The following ARMC2 variants were observed in gnomAD, a reference collection of about 807,000 sequenced individuals.
The protein encoded by ARMC2 is armadillo repeat containing 2.
A neutral mutation model predicts 90.3 loss-of-function variants in ARMC2; 67 were observed. That is an observed-to-expected ratio of 0.74 (90% confidence interval 0.61 to 0.91). The LOEUF (loss-of-function observed/expected upper bound fraction) is 0.91, where lower values mean the gene tolerates loss of function less well. ARMC2 is among the 40% of genes least tolerant of loss of function. The pLI is 0.00. For missense variants in ARMC2, 920 were observed against 1,030.9 expected (o/e 0.89, Z 1.47); for synonymous variants, 393 against 393.0 (o/e 1.00, Z 0.00).
chr6:108,886,174 T>A (rs781124046), intron 5 of ARMC2, among the ~76,000 whole-genome samples: 2 of 152,330 alleles, frequency 1.3e-5, no homozygotes, highest in Admixed American at 6.5e-5. Context: ...AAAATGGAAA[T>A]AAATTTATTG....
chr6:108,951,411 A>C (rs1423243427), intron 12 of ARMC2, among the ~76,000 whole-genome samples: 1 of 152,180 alleles, frequency 6.6e-6, no homozygotes, highest in Non-Finnish European at 1.5e-5. Context: ...GACGACCACT[A>C]TGGCTGGTTG....
chr6:108,889,819 C>T (rs1770773699), intron 5 of ARMC2, among the ~76,000 whole-genome samples: 1 of 151,874 alleles, frequency 6.6e-6, no homozygotes, highest in Admixed American at 6.6e-5. Context: ...TCTTAGCACC[C>T]TCTAGTTCTT....
Position 108,930,635 on chromosome 6 carries a change from C to T in ARMC2, c.1496+2402C>T, listed in dbSNP as rs1254040536. 1.1e-4 allele frequency among the ~76,000 whole-genome samples: 13 copies of T among 121,848 alleles called. 1 individual carries two copies. Among genetic ancestry groups the T allele is most frequent in the Non-Finnish European group, 1.6e-4 (10 of 62,672 alleles). 79.9% of individuals were successfully genotyped at this position (121,848 alleles called of 152,430 possible). A position where few individuals can be genotyped will look rare whatever the true frequency, so the allele number is the denominator to read the frequency against. ...TTTTTGAGTTGGAGTCTTACTCTGT[C>T]GCCCAGGCTGGAGTGCAGTGGGGTG... On this transcript the variant is annotated intron_variant, in intron 11 of 17. Transcript: ENST00000392644.
rs1777291833 is a variant in ARMC2 at position 108,952,960 on chromosome 6, A to G, written c.1597-73A>G. The G allele has an allele frequency of 2.2e-6, 3 of 1,346,602 alleles. No individual in the cohort carries two copies. The Admixed American group carries it at 7.0e-5, about 32-fold the overall frequency. The allele number at this position is 1,346,602 out of a possible 1,614,324, so 83.4% of individuals were successfully genotyped here. On this transcript the variant is annotated intron_variant, in intron 12 of 17. Coordinates refer to ENST00000392644, the MANE Select transcript of ARMC2 (RefSeq NM_032131.6). ...CTATTAATGCAATTGTGAATAAATT[A>G]AATACTATCTTCTTCCCCACGATGT...
chr6:109,041,473 G>A, the ARMC2 span, among the ~76,000 whole-genome samples: 4 of 151,934 alleles, frequency 2.6e-5, no homozygotes, highest in Admixed American at 1.3e-4. Context: ...GGGATTTTGA[G>A]GACAATGAAA....
At chr6:108,877,893 T>C (rs1777092589) in intron 5 of ARMC2, among the ~76,000 whole-genome samples, 1 of 152,212 alleles carries the variant, frequency 6.6e-6, no homozygotes, top group Non-Finnish European at 1.5e-5. Flanking sequence ...TGTCCAAAAT[T>C]ATGAGGCATT....
intron 7 of ARMC2, among the ~76,000 whole-genome samples, chr6:108,903,022 G>A (rs1038753577): frequency 2.6e-5 from 4 of 152,070 alleles, no homozygotes; most frequent in Non-Finnish European, 5.9e-5. Flanking sequence ...AAAAAAATTA[G>A]CCAGGTGTGG....
chr6:108,890,601 G>A (rs1169655060), intron 5 of ARMC2, among the ~76,000 whole-genome samples: 4 of 151,918 alleles, frequency 2.6e-5, no homozygotes, highest in African/African-American at 9.7e-5. Context: ...CCAAAGCTAA[G>A]TAGTTCACCC....
chr6:108,892,313 C>G (rs1205766695), intron 5 of ARMC2, among the ~76,000 whole-genome samples: 1 of 152,082 alleles, frequency 6.6e-6, no homozygotes, highest in Non-Finnish European at 1.5e-5. Flanking sequence ...GTCCCCGTAG[C>G]CATTTTCGAT....
the ARMC2 span, among the ~76,000 whole-genome samples, chr6:109,028,918 A>G: frequency 1.3e-5 from 2 of 152,334 alleles, no homozygotes; most frequent in Admixed American, 6.5e-5. Flanking sequence ...ATATGGTGAC[A>G]TGAGAGCGGG....
At position 108,954,578 on chromosome 6, in the gene ARMC2, C is replaced by T. The variant is rs928541875; in HGVS notation, c.1915+1227C>T. ...ACGGAGGGCCGCAGTGGGCCGAGAT[C>T]GTGCCACTGCATTCCAGCCTAGGTG... On this transcript the variant is annotated intron_variant, in intron 13 of 17. Coordinates refer to ENST00000392644, the MANE Select transcript of ARMC2 (RefSeq NM_032131.6). Among the ~76,000 whole-genome samples, 43 of 152,100 alleles carry T rather than the reference C, an allele frequency of 2.8e-4. 1 individual carries two copies. Among genetic ancestry groups the T allele is most frequent in the Non-Finnish European group, 1.2e-4 (8 of 68,028 alleles).
At chr6:108,915,240 G>A (rs1388269190) in intron 10 of ARMC2, among the ~76,000 whole-genome samples, 1 of 152,144 alleles carries the variant, frequency 6.6e-6, no homozygotes, top group East Asian at 1.9e-4. Context: ...ATAGGTGTGA[G>A]TTACTGTGCC....
the ARMC2 span, chr6:108,992,875 C>G: frequency 6.2e-7 from 1 of 1,612,666 alleles, no homozygotes; most frequent in East Asian, 2.2e-5. Context: ...AGATACAGCT[C>G]TTGCTGGTGT....
At chr6:108,865,411 T>C (rs954961999) in intron 3 of ARMC2, among the ~76,000 whole-genome samples, 3 of 152,246 alleles carry the variant, frequency 2.0e-5, no homozygotes, top group African/African-American at 7.2e-5. Context: ...AAAGAACATT[T>C]TGTAGAACTT....
At chr6:108,890,201 A>C (rs1770842660) in intron 5 of ARMC2, among the ~76,000 whole-genome samples, 1 of 20,446 alleles carries the variant, frequency 4.9e-5, no homozygotes, top group South Asian at 1.3e-3. Flanking sequence ...AAAAAAAAAA[A>C]AAAAAAAAAA....
chr6:108,904,159 G>A (rs1416662347), intron 7 of ARMC2, 71 bp from the exon 8 acceptor site: 1 of 1,522,636 alleles, frequency 6.6e-7, no homozygotes, highest in African/African-American at 1.4e-5. Context: ...TACTTACACT[G>A]TCTGTGTTTG....
At chr6:108,868,325 T>C (rs1332624077) in intron 3 of ARMC2, among the ~76,000 whole-genome samples, 1 of 152,156 alleles carries the variant, frequency 6.6e-6, no homozygotes, top group Non-Finnish European at 1.5e-5. Flanking sequence ...CAAGCAATTC[T>C]CCTGCCTCAG....
At chr6:108,979,374 A>C (rs12207202), downstream of ARMC2, among the ~76,000 whole-genome samples, 15,254 of 152,194 alleles carry the variant, frequency 0.1, 905 homozygotes, top group Middle Eastern at 0.2. Flanking sequence ...GTTAGTCTGA[A>C]GGGCTTCCCT....
intron 17 of ARMC2, among the ~76,000 whole-genome samples, chr6:108,969,944 G>C (rs1251418516): frequency 6.6e-6 from 1 of 152,092 alleles, no homozygotes; most frequent in African/African-American, 2.4e-5. Context: ...ACTGAGGTGG[G>C]AGAATCACTT....
Sources: allele counts gnomAD v4.1 joint callset (sites outside exome capture counted in the v4.1 genomes callset), GRCh38; gene constraint gnomAD v4.1.1; transcripts MANE v1.5; gene names NCBI Gene and HGNC (gene_info 2026-07-23, HGNC 2026-07-21).